TMEM272: variants seen among roughly 807,000 people sequenced by gnomAD.
TMEM272 encodes transmembrane protein 272, also known as long intergenic non-protein coding RNA 282.
TMEM272 carries 8 observed loss-of-function variants against 3.7 expected under a neutral mutation model. That is an observed-to-expected ratio of 2.17 (90% CI 1.27 to 3.91). TMEM272 has a LOEUF of 3.91. Ranked by LOEUF, TMEM272 falls within the 30% of genes most tolerant of loss-of-function variation. TMEM272 has a pLI of 0.00. For synonymous variants in TMEM272, 63 were observed against 39.8 expected (o/e 1.58, Z -2.20); for missense variants, 166 against 91.5 (o/e 1.81, Z -3.32).
At chr13:51,887,487 C>T in the TMEM272 span, among the ~76,000 whole-genome samples, 85 of 152,248 alleles carry the variant, frequency 5.6e-4, no homozygotes, top group Non-Finnish European at 1.1e-3. Context: ...TTTTTCATTT[C>T]GAAAATGAAG....
the TMEM272 span, among the ~76,000 whole-genome samples, chr13:51,866,704 GCC>G: frequency 6.6e-6 from 1 of 152,186 alleles, no homozygotes; most frequent in Non-Finnish European, 1.5e-5. Context: ...TGAGAATGGG[GCC>G]TTGGCGTGGG....
the TMEM272 span, among the ~76,000 whole-genome samples, chr13:51,926,967 G>A: frequency 6.6e-6 from 1 of 152,106 alleles, no homozygotes; most frequent in African/African-American, 2.4e-5. Context: ...GATTGGTGGA[G>A]CTTTAAGGGG....
the TMEM272 span, chr13:51,910,212 G>T: frequency 1.4e-5 from 17 of 1,210,404 alleles, no homozygotes; most frequent in Non-Finnish European, 2.1e-5. Flanking sequence ...TTCAGAATTG[G>T]ACCTGTTCAG....
At chr13:51,865,898 G>A in the TMEM272 span, 5 of 1,613,782 alleles carry the variant, frequency 3.1e-6, no homozygotes, top group East Asian at 2.2e-5. Context: ...CCTTGAGGGG[G>A]AGAAAGCCCT....
intron 2 of TMEM272, among the ~76,000 whole-genome samples, chr13:51,827,807 G>A (rs1956140377): frequency 6.6e-6 from 1 of 152,134 alleles, no homozygotes; most frequent in South Asian, 2.1e-4. Flanking sequence ...ATAGAAAAGG[G>A]CATGAAGTTT....
chr13:51,917,345 T>C, the TMEM272 span, among the ~76,000 whole-genome samples: 1 of 152,066 alleles, frequency 6.6e-6, no homozygotes, highest in Non-Finnish European at 1.5e-5. Flanking sequence ...AAGGAGGAGT[T>C]TGAGCACCCA....
At chr13:51,819,487 G>A (rs954650190) in intron 4 of TMEM272, among the ~76,000 whole-genome samples, 4 of 152,162 alleles carry the variant, frequency 2.6e-5, no homozygotes, top group African/African-American at 9.7e-5. Flanking sequence ...TGGCTACAAT[G>A]ATGCCAGGAG....
chr13:51,862,638 G>A, the TMEM272 span, among the ~76,000 whole-genome samples: 44 of 152,276 alleles, frequency 2.9e-4, no homozygotes, highest in African/African-American at 1.0e-3. Flanking sequence ...GGGACAGGAA[G>A]GGCACATGCT....
At chr13:51,881,974 G>A in the TMEM272 span, among the ~76,000 whole-genome samples, 2 of 152,202 alleles carry the variant, frequency 1.3e-5, no homozygotes, top group Non-Finnish European at 1.5e-5. Context: ...GAGTGGATTA[G>A]CATTTAATCT....
intron 1 of TMEM272, among the ~76,000 whole-genome samples, chr13:51,840,916 G>A (rs919888762): frequency 9.9e-5 from 15 of 152,182 alleles, no homozygotes; most frequent in African/African-American, 3.1e-4. Flanking sequence ...GGTGAAATGA[G>A]ACCAGTTCTC....
At chr13:51,912,790 G>T in the TMEM272 span, among the ~76,000 whole-genome samples, 1 of 152,192 alleles carries the variant, frequency 6.6e-6, no homozygotes, top group Non-Finnish European at 1.5e-5. Flanking sequence ...TGCAGTCCTG[G>T]CACACAGTTC....
the TMEM272 span, among the ~76,000 whole-genome samples, chr13:51,893,418 T>C: frequency 6.6e-6 from 1 of 152,222 alleles, no homozygotes; most frequent in Non-Finnish European, 1.5e-5. Flanking sequence ...CCTCCTTCCC[T>C]GCACCCTAAT....
In TMEM272 at chr13:51,813,503, T is replaced by C. The variant is rs1297952756; in HGVS notation, c.*3248A>G. On this transcript the variant is annotated 3_prime_UTR_variant, in exon 5 of 5. Coordinates refer to ENST00000629372, the MANE Select transcript of TMEM272 (RefSeq NM_001351003.2). ...ACACGAAGTACTGGAAGTGACATTA[T>C]ATTGTCCTCATGGTGACAACCAGGA... 3 of 370,260 alleles carry C rather than the reference T, an allele frequency of 8.1e-6. No homozygotes were observed. The highest frequency in any genetic ancestry group is 1.4e-5 in the Non-Finnish European group (3 of 208,978). 22.9% of individuals were successfully genotyped at this position (370,260 alleles called of 1,614,324 possible). A position where few individuals can be genotyped will look rare whatever the true frequency, so the allele number is the denominator to read the frequency against.
chr13:51,890,772 C>G, the TMEM272 span, among the ~76,000 whole-genome samples: 2 of 152,210 alleles, frequency 1.3e-5, no homozygotes, highest in Non-Finnish European at 2.9e-5. Context: ...GAACTCTGAG[C>G]TGACTAATGT....
At chr13:51,842,969 G>A (rs1956275017) in intron 1 of TMEM272, among the ~76,000 whole-genome samples, 1 of 152,146 alleles carries the variant, frequency 6.6e-6, no homozygotes, top group Admixed American at 6.5e-5. Context: ...TTTTGGATTT[G>A]AGGTAAAATT....
the TMEM272 span, among the ~76,000 whole-genome samples, chr13:51,905,050 A>ATT: frequency 6.6e-6 from 1 of 152,200 alleles, no homozygotes; most frequent in Admixed American, 6.5e-5. Context: ...ACTGTGTAAA[A>ATT]TATCTGTGGA....
chr13:51,820,461 C>T lies in TMEM272; in HGVS notation c.201+1594G>A, dbSNP rs540141873. ...TGAGCACAAAAATTTAATTTGGCTT[C>T]AAACGGTTTTAGATTGCCAGGGCAA... On this transcript the variant is annotated intron_variant, in intron 4 of 4. Transcript: ENST00000629372. 2.6e-5 allele frequency among the ~76,000 whole-genome samples: 4 copies of T among 152,302 alleles called. No individual in the cohort carries two copies. In the East Asian group the frequency reaches 7.7e-4, roughly 29 times the overall value.
the TMEM272 span, among the ~76,000 whole-genome samples, chr13:51,860,552 T>C: frequency 6.8e-6 from 1 of 146,858 alleles, no homozygotes; most frequent in Non-Finnish European, 1.5e-5. Context: ...GGTGGGATGA[T>C]CACTTGAGTC....
chr13:51,884,494 C>G, the TMEM272 span, among the ~76,000 whole-genome samples: 1 of 152,194 alleles, frequency 6.6e-6, no homozygotes, highest in Non-Finnish European at 1.5e-5. Flanking sequence ...AAGCAGTGTA[C>G]TAATGTATGG....
Sources: gnomAD v4.1 joint callset for allele counts (sites outside exome capture counted in the v4.1 genomes callset) on GRCh38, gnomAD v4.1.1 for gene constraint, MANE v1.5 for transcripts, NCBI Gene and HGNC (gene_info 2026-07-23, HGNC 2026-07-21) for gene names.